The following ABLIM1 variants were observed in gnomAD, a reference collection of about 807,000 sequenced individuals.
The protein encoded by ABLIM1 is actin-binding LIM protein 1.
In ABLIM1, 40 loss-of-function variants were observed where a neutral mutation model predicts 107.0. That is an observed-to-expected ratio of 0.37 (90% confidence interval 0.29 to 0.49). The LOEUF (loss-of-function observed/expected upper bound fraction) is 0.49. Ranked by LOEUF, ABLIM1 falls within the 20% of genes least tolerant of loss-of-function variation. The pLI, the probability that ABLIM1 is intolerant of heterozygous loss-of-function variation, is 0.97. For synonymous variants in ABLIM1, 357 were observed against 357.3 expected (o/e 1.00, Z 0.01); for missense variants, 857 against 1,008.5 (o/e 0.85, Z 2.04).
chr10:114,732,075 CTCA>C (rs2082084681), intron 1 of ABLIM1, among the ~76,000 whole-genome samples: 1 of 146,956 alleles, frequency 6.8e-6, no homozygotes, highest in Admixed American at 6.9e-5. Flanking sequence ...TCTCTATATT[CTCA>C]TCAACACTTG....
rs1329134984 is a variant in ABLIM1, at chr10:114,552,892, AG to A, written c.674-5117del. On this transcript the variant is annotated intron_variant, in intron 4 of 22. Coordinates refer to ENST00000533213, the MANE Select transcript of ABLIM1 (RefSeq NM_002313.7). ...CAATAGACTCCCTTTTTCCTTGGTTAGGAGCAGAGTTAGGTCTTGGGTTCTT... is the reference window on the plus strand; with the variant it reads ...CAATAGACTCCCTTTTTCCTTGGTTAGAGCAGAGTTAGGTCTTGGGTTCTT... 2.6e-5 allele frequency among the ~76,000 whole-genome samples: 4 copies of A among 152,268 alleles called. No individual in the cohort carries two copies. The East Asian group carries it at 7.7e-4, about 29-fold the overall frequency.
intron 2 of ABLIM1, among the ~76,000 whole-genome samples, chr10:114,589,759 G>C (rs1356182816): frequency 6.6e-6 from 1 of 152,098 alleles, no homozygotes; most frequent in African/African-American, 2.4e-5. Flanking sequence ...TTTTACAAAA[G>C]AGTCAAAAAC....
intron 8 of ABLIM1, among the ~76,000 whole-genome samples, chr10:114,485,722 C>T (rs2058092647): frequency 1.3e-5 from 2 of 152,134 alleles, no homozygotes; most frequent in African/African-American, 4.8e-5. Context: ...TACAAATGCC[C>T]CATGAGTTCT....
upstream of ABLIM1, among the ~76,000 whole-genome samples, chr10:114,685,908 A>G (rs1265770534): frequency 6.6e-6 from 1 of 152,208 alleles, no homozygotes; most frequent in Non-Finnish European, 1.5e-5. Context: ...AATGGAGGCT[A>G]GTTTTTCCTA....
At chr10:114,793,137 G>A in the ABLIM1 span, among the ~76,000 whole-genome samples, 2 of 152,174 alleles carry the variant, frequency 1.3e-5, no homozygotes, top group Admixed American at 6.5e-5. Flanking sequence ...GGGCGACAGA[G>A]TGAGACACCA....
At position 114,441,051 on chromosome 10, in the gene ABLIM1, A is replaced by G; in HGVS notation, c.2025T>C (p.Tyr675=). The change falls in exon 19 of 23, where the codon TAT becomes TAC. Residue 675 remains tyrosine, a synonymous_variant. Coordinates refer to ENST00000533213, the MANE Select transcript of ABLIM1 (RefSeq NM_002313.7). Reference sequence around the variant, plus strand: ...CCCCGCTGACATCCCCATAGCTGTTATACTGAGCGAAGTCGGTAGAAACAG... The same window carrying G: ...CCCCGCTGACATCCCCATAGCTGTTGTACTGAGCGAAGTCGGTAGAAACAG... ...HRPVSTDFAQ[Y]NSYGDVSGGV... 6.3e-7 allele frequency: 1 copy of G among 1,588,860 alleles called. No homozygotes were observed. Among genetic ancestry groups the G allele is most frequent in the Non-Finnish European group, 8.6e-7 (1 of 1,166,412 alleles).
chr10:114,644,280 C>CAAAAAAAAAAAAAA (rs1170954656), intron 1 of ABLIM1, among the ~76,000 whole-genome samples: 1 of 18,640 alleles, frequency 5.4e-5, no homozygotes, highest in African/African-American at 1.7e-4. Flanking sequence ...GACTCCATCT[C>CAAAAAAAAAAAAAA]AAAAAAAAAA....
intron 12 of ABLIM1, among the ~76,000 whole-genome samples, chr10:114,459,041 G>T (rs1437158583): frequency 6.6e-6 from 1 of 152,230 alleles, no homozygotes; most frequent in Non-Finnish European, 1.5e-5. Context: ...TCTGTGCCGT[G>T]CATCTCAGCT....
intron 12 of ABLIM1, chr10:114,463,303 A>C: frequency 1.3e-5 from 12 of 916,156 alleles, no homozygotes; most frequent in Non-Finnish European, 1.6e-5. Context: ...AAAAGGGAGG[A>C]AGGAGAAAGG....
At chr10:114,753,761 C>T (rs1305126991) in intron 1 of ABLIM1, among the ~76,000 whole-genome samples, 1 of 152,168 alleles carries the variant, frequency 6.6e-6, no homozygotes, top group Non-Finnish European at 1.5e-5. Context: ...ACCCAGCCCA[C>T]CAACGAACAC....
chr10:114,722,559 T>C (rs2081871599), intron 1 of ABLIM1, among the ~76,000 whole-genome samples: 1 of 152,272 alleles, frequency 6.6e-6, no homozygotes, highest in Non-Finnish European at 1.5e-5. Flanking sequence ...ATTGTCTTCA[T>C]TTGCCCTGTT....
At chr10:114,638,657 ACACACACACAC>A (rs1331607019) in intron 1 of ABLIM1, among the ~76,000 whole-genome samples, 2 of 146,090 alleles carry the variant, frequency 1.4e-5, no homozygotes, top group Non-Finnish European at 2.9e-5. Context: ...ACACACACAC[ACACACACACAC>A]AAGCATTTCT....
chr10:114,448,069 C>A (rs774471918), intron 14 of ABLIM1, 49 bp from the exon 15 acceptor site: 11 of 1,611,486 alleles, frequency 6.8e-6, no homozygotes, highest in Middle Eastern at 3.3e-4. Flanking sequence ...GTCTGTAAGA[C>A]AATGGCGGTA....
rs762500488 is a variant in ABLIM1 at position 114,448,013 on chromosome 10, C to A, written c.1602G>T (p.Leu534Phe). Residue 534 changes from leucine to phenylalanine, a missense_variant, in exon 15 of 23, where the codon TTG (leucine) becomes TTT (phenylalanine). Physicochemically the swap from Leu to Phe is conservative, Grantham distance 22. This residue lies in a region of ABLIM1 where 103 missense variants were observed against 101.0 expected (regional missense o/e 1.02). Coordinates refer to ENST00000533213, the MANE Select transcript of ABLIM1 (RefSeq NM_002313.7). ...KPPIYKQHAALAAQSKSSEDI... is the reference protein window; with the variant it reads ...KPPIYKQHAAFAAQSKSSEDI... ...CTTCTGAGGACTTGCTCTGGGCTGCCAAGGCAGCTGCATCTAGATGGGAAT... is the reference window on the plus strand; with the variant it reads ...CTTCTGAGGACTTGCTCTGGGCTGCAAAGGCAGCTGCATCTAGATGGGAAT... 8.1e-6 allele frequency: 13 copies of A among 1,613,956 alleles called. No homozygotes were observed. In the Admixed American group the frequency reaches 2.0e-4, roughly 25 times the overall value.
chr10:114,677,325 G>A lies in ABLIM1; in HGVS notation c.64+6965C>T, dbSNP rs74158033. On this transcript the variant is annotated intron_variant, in intron 1 of 23. Coordinates refer to the ABLIM1 transcript ENST00000369256. ...CTTCTGTGTGTATTATGACATTGCT[G>A]TCAGGACAAAAAACCCAGAAATACC... Among the ~76,000 whole-genome samples, 266 of 152,236 alleles carry A rather than the reference G, an allele frequency of 1.7e-3. 1 individual carries two copies. The highest frequency in any genetic ancestry group is 6.2e-3 in the African/African-American group (257 of 41,524).
intron 2 of ABLIM1, among the ~76,000 whole-genome samples, chr10:114,601,197 C>A (rs996631036): frequency 6.6e-6 from 1 of 151,198 alleles, no homozygotes; most frequent in African/African-American, 2.4e-5. Flanking sequence ...AGTAGGAGTT[C>A]TTCACTTCAG....
intron 4 of ABLIM1, among the ~76,000 whole-genome samples, chr10:114,556,842 C>T (rs2068797031): frequency 1.3e-5 from 2 of 152,166 alleles, no homozygotes; most frequent in African/African-American, 4.8e-5. Flanking sequence ...AATGAGTCCA[C>T]AATTTTCTTT....
intron 1 of ABLIM1, among the ~76,000 whole-genome samples, chr10:114,756,626 T>C (rs750295962): frequency 5.9e-5 from 9 of 152,228 alleles, no homozygotes; most frequent in Non-Finnish European, 1.2e-4. Context: ...GCATGTTACA[T>C]TTAACTTCAG....
chr10:114,511,155 G>T (rs2061802011), intron 6 of ABLIM1, among the ~76,000 whole-genome samples: 1 of 151,940 alleles, frequency 6.6e-6, no homozygotes, highest in South Asian at 2.1e-4. Flanking sequence ...CATAGTACAA[G>T]AATGAAATGT....
Sources: allele counts gnomAD v4.1 joint callset (sites outside exome capture counted in the v4.1 genomes callset), GRCh38; gene constraint gnomAD v4.1.1; regional missense constraint gnomAD v4.1.1; transcripts MANE v1.5; gene names NCBI Gene and HGNC (gene_info 2026-07-23, HGNC 2026-07-21).